The following STK39 variants were observed in gnomAD, a reference collection of about 807,000 sequenced individuals.
The protein encoded by STK39 is STE20/SPS1-related proline-alanine-rich protein kinase.
In STK39, 20 loss-of-function variants were observed where a neutral mutation model predicts 77.8. That is an observed-to-expected ratio of 0.26 (90% confidence interval 0.18 to 0.37). The LOEUF is 0.37. STK39 is among the 10% of genes least tolerant of loss of function. The pLI is 1.00. For missense variants in STK39, 479 were observed against 656.5 expected (o/e 0.73, Z 2.95); for synonymous variants, 246 against 234.1 (o/e 1.05, Z -0.47).
At chr2:168,044,820 C>T (rs1270814692) in intron 14 of STK39, among the ~76,000 whole-genome samples, 1 of 152,058 alleles carries the variant, frequency 6.6e-6, no homozygotes, top group Non-Finnish European at 1.5e-5. Flanking sequence ...GGAAAGGAGA[C>T]CAAGAATGTA....
intron 12 of STK39, among the ~76,000 whole-genome samples, chr2:168,071,914 A>G (rs1685952210): frequency 6.6e-6 from 1 of 152,044 alleles, no homozygotes; most frequent in African/African-American, 2.4e-5. Context: ...ACATAAAACA[A>G]TCACAATTCT....
chr2:168,106,764 G>C (rs1686984640), intron 10 of STK39, among the ~76,000 whole-genome samples: 1 of 152,196 alleles, frequency 6.6e-6, no homozygotes. Context: ...CAAGGCTGCA[G>C]TGAGCCATGT....
intron 5 of STK39, among the ~76,000 whole-genome samples, chr2:168,147,340 G>C (rs1161485359): frequency 6.6e-6 from 1 of 152,144 alleles, no homozygotes; most frequent in Non-Finnish European, 1.5e-5. Flanking sequence ...CCAGCATCCG[G>C]CCTTCCCGAG....
intron 8 of STK39, among the ~76,000 whole-genome samples, chr2:168,130,983 G>C (rs1687681222): frequency 6.6e-6 from 1 of 152,200 alleles, no homozygotes; most frequent in African/African-American, 2.4e-5. Context: ...AGAAGCCACA[G>C]AGGCTATAAA....
chr2:168,241,775 T>C (rs1180725313), intron 1 of STK39, among the ~76,000 whole-genome samples: 2 of 152,272 alleles, frequency 1.3e-5, no homozygotes, highest in Non-Finnish European at 2.9e-5. Flanking sequence ...TGGCTAAGAC[T>C]AATTGAAAGC....
intron 10 of STK39, among the ~76,000 whole-genome samples, chr2:168,121,320 C>T (rs1212733125): frequency 2.0e-5 from 3 of 152,150 alleles, no homozygotes; most frequent in African/African-American, 7.2e-5. Context: ...TTGTTTGGGA[C>T]AAATATGGAA....
intron 1 of STK39, among the ~76,000 whole-genome samples, chr2:168,243,203 T>A (rs1690815614): frequency 6.6e-6 from 1 of 152,288 alleles, no homozygotes; most frequent in East Asian, 1.9e-4. Context: ...AAACCAATTC[T>A]AACCCCCAAA....
intron 2 of STK39, among the ~76,000 whole-genome samples, chr2:168,173,022 C>T (rs1183734291): frequency 6.6e-6 from 1 of 152,184 alleles, no homozygotes; most frequent in East Asian, 1.9e-4. Flanking sequence ...TTTTCAGAAG[C>T]TCCCAGGTGG....
intron 1 of STK39, among the ~76,000 whole-genome samples, chr2:168,226,509 A>G (rs1690309660): frequency 6.6e-6 from 1 of 152,234 alleles, no homozygotes; most frequent in African/African-American, 2.4e-5. Flanking sequence ...AAATTTGCTC[A>G]TACAAATAAA....
At chr2:168,211,375 T>C (rs887742183) in intron 1 of STK39, among the ~76,000 whole-genome samples, 5 of 152,362 alleles carry the variant, frequency 3.3e-5, no homozygotes, top group Admixed American at 6.5e-5. Flanking sequence ...AATTATTTAT[T>C]GGTCAGCACA....
intron 5 of STK39, among the ~76,000 whole-genome samples, chr2:168,149,546 T>C (rs1015042935): frequency 6.6e-6 from 1 of 152,248 alleles, no homozygotes; most frequent in Non-Finnish European, 1.5e-5. Context: ...CAGTACTCTG[T>C]TATTTGTACC....
chr2:168,123,746 G>A (rs1187269525), intron 10 of STK39, among the ~76,000 whole-genome samples: 1 of 151,820 alleles, frequency 6.6e-6, no homozygotes, highest in Non-Finnish European at 1.5e-5. Context: ...GCGGGCACCT[G>A]TAATCCCAGC....
chr2:168,095,187 G>A (rs1686630528), intron 10 of STK39, among the ~76,000 whole-genome samples: 1 of 152,126 alleles, frequency 6.6e-6, no homozygotes, highest in Non-Finnish European at 1.5e-5. Context: ...CTGCCTACAA[G>A]GCACCTGTCA....
intron 14 of STK39, among the ~76,000 whole-genome samples, chr2:168,038,156 C>T (rs1205504877): frequency 1.3e-5 from 2 of 152,182 alleles, no homozygotes; most frequent in African/African-American, 4.8e-5. Context: ...ATTAAAAACA[C>T]ACATGTAAAC....
At chr2:168,132,018 G>C (rs1055343348) in intron 8 of STK39, among the ~76,000 whole-genome samples, 1 of 152,192 alleles carries the variant, frequency 6.6e-6, no homozygotes, top group Non-Finnish European at 1.5e-5. Context: ...GCAGTGTGCT[G>C]CTCAACGGCA....
chr2:168,101,590 T>G (rs2105451738), intron 10 of STK39, among the ~76,000 whole-genome samples: 1 of 151,842 alleles, frequency 6.6e-6, no homozygotes, highest in South Asian at 2.1e-4. Flanking sequence ...ATACAAAAAT[T>G]AGCCAGGCAT....
chr2:168,140,626 A>C (rs1687957085), intron 6 of STK39, 23 bp downstream of exon 6: 1 of 1,565,382 alleles, frequency 6.4e-7, no homozygotes, highest in African/African-American at 1.4e-5. Flanking sequence ...TCCATCAAAA[A>C]GTCACTTTTT....
chr2:168,020,199 TA>T (rs1426214826), intron 14 of STK39, among the ~76,000 whole-genome samples: 1 of 152,168 alleles, frequency 6.6e-6, no homozygotes, highest in Non-Finnish European at 1.5e-5. Context: ...ATTGACAATT[TA>T]AAAAAATTTA....
intron 16 of STK39, among the ~76,000 whole-genome samples, chr2:167,996,199 C>G (rs533570436): frequency 3.3e-5 from 5 of 152,174 alleles, no homozygotes; most frequent in African/African-American, 1.2e-4. Context: ...TTACTATCCA[C>G]TCTCGTGATG....
Sources: gnomAD v4.1 joint callset for allele counts (sites outside exome capture counted in the v4.1 genomes callset) on GRCh38, gnomAD v4.1.1 for gene constraint, MANE v1.5 for transcripts, NCBI Gene and HGNC (gene_info 2026-07-23, HGNC 2026-07-21) for gene names.